Variants in ARL5B observed in about 807,000 individuals in gnomAD.
ARL5B encodes ARF like GTPase 5B, also known as ADP-ribosylation factor-like protein 5B.
ARL5B carries 10 observed loss-of-function variants against 26.9 expected under a neutral mutation model. The ratio of observed to expected loss-of-function variants is 0.37; its 90% confidence interval spans 0.23 to 0.63. The LOEUF (loss-of-function observed/expected upper bound fraction) is 0.63, where lower values mean the gene tolerates loss of function less well. Ranked by LOEUF, ARL5B falls within the 30% of genes least tolerant of loss-of-function variation. The probability of loss-of-function intolerance (pLI) is 0.62; values close to 1 mark genes in which losing one functional copy is unlikely to be tolerated. For synonymous variants in ARL5B, 87 were observed against 70.4 expected, an observed-to-expected ratio of 1.24 and a Z score of -1.18; for missense variants, 167 against 213.9, an observed-to-expected ratio of 0.78 and a Z score of 1.37.
intron 1 of ARL5B, among the ~76,000 whole-genome samples, chr10:18,662,899 C>T (rs1470018203): frequency 1.3e-5 from 2 of 151,976 alleles, no homozygotes; most frequent in Non-Finnish European, 2.9e-5. Flanking sequence ...GGTGGGGTTT[C>T]ACCATGTTGG....
At chr10:18,663,665 C>T (rs897483209) in intron 1 of ARL5B, among the ~76,000 whole-genome samples, 1 of 150,824 alleles carries the variant, frequency 6.6e-6, no homozygotes, top group African/African-American at 2.4e-5. Flanking sequence ...TCTCCTGCCT[C>T]AGCCTCCCAA....
At position 18,659,874 on chromosome 10, in the gene ARL5B, T is replaced by C. The variant is rs2059820316; in HGVS notation, c.46+191T>C. 4.1e-6 allele frequency: 4 copies of C among 984,816 alleles called. No individual in the cohort carries two copies. The South Asian group carries it at 1.4e-4, about 35-fold the overall frequency. The allele number at this position is 984,816 out of a possible 1,614,324, so 61.0% of individuals were successfully genotyped here. ...GGAGAGACCTGACGTGTGGGAGAAA[T>C]AGGGAGGCAGAAGAGAAGGTATTTG... On this transcript the variant is annotated intron_variant, in intron 1 of 5. Coordinates refer to ENST00000377275, the MANE Select transcript of ARL5B (RefSeq NM_178815.5).
intron 1 of ARL5B, among the ~76,000 whole-genome samples, chr10:18,661,041 G>A (rs920083780): frequency 2.0e-5 from 3 of 152,046 alleles, no homozygotes; most frequent in Admixed American, 6.6e-5. Context: ...TAGAGACAGG[G>A]TTTCGCCATG....
At chr10:18,675,118 G>C (rs764122782) in intron 5 of ARL5B, 50 bp from the exon 6 acceptor site, 1 of 1,561,244 alleles carries the variant, frequency 6.4e-7, no homozygotes, top group South Asian at 1.1e-5. Flanking sequence ...TACGCTTTCA[G>C]TTTTTAAGTA....
chr10:18,678,433 A>G lies in ARL5B; in HGVS notation c.*3217A>G, dbSNP rs1178096947. 2 of 151,934 alleles carry G rather than the reference A, an allele frequency of 1.3e-5. No individual in the cohort carries two copies. The highest frequency in any genetic ancestry group is 4.8e-5 in the African/African-American group (2 of 41,442). The allele number at this position is 151,934 out of a possible 1,614,324, so 9.4% of individuals were successfully genotyped here. A position where few individuals can be genotyped will look rare whatever the true frequency, so the allele number is the denominator to read the frequency against. On this transcript the variant is annotated 3_prime_UTR_variant, in exon 6 of 6. Coordinates refer to ENST00000377275, the MANE Select transcript of ARL5B (RefSeq NM_178815.5). Reference sequence around the variant, plus strand: ...AACAGTGATAGGCAGTGCTGTAAACAATATTCTCTGAAAAGTTGTGGGGGT... The same window carrying G: ...AACAGTGATAGGCAGTGCTGTAAACGATATTCTCTGAAAAGTTGTGGGGGT...
rs754725063 is a variant in ARL5B, at chr10:18,659,591, G to C, written c.-47G>C. ...GCGCCGCGGTGGGGGACCCGGCGCA[G>C]CGGCACCTGCTGCCGAGGGACCCCG... On this transcript the variant is annotated 5_prime_UTR_variant, in exon 1 of 6. Coordinates refer to ENST00000377275, the MANE Select transcript of ARL5B (RefSeq NM_178815.5). 15 of 1,584,308 alleles carry C rather than the reference G, an allele frequency of 9.5e-6. No individual in the cohort carries two copies. In the East Asian group the frequency reaches 3.3e-4, roughly 34 times the overall value.
intron 1 of ARL5B, among the ~76,000 whole-genome samples, chr10:18,662,766 C>G (rs191095832): frequency 1.4e-4 from 20 of 142,544 alleles, no homozygotes; most frequent in African/African-American, 5.2e-4. Context: ...TGCAGTGGTG[C>G]GATCTCGGTC....
chr10:18,671,976 G>A (rs1274952240), intron 3 of ARL5B, among the ~76,000 whole-genome samples: 3 of 152,030 alleles, frequency 2.0e-5, no homozygotes, highest in Non-Finnish European at 2.9e-5. Flanking sequence ...TTTTTAATAT[G>A]CAAACTCCCT....
chr10:18,672,214 A>C (rs147346812), intron 3 of ARL5B, among the ~76,000 whole-genome samples: 1 of 152,352 alleles, frequency 6.6e-6, no homozygotes, highest in Admixed American at 6.5e-5. Flanking sequence ...TGGTATACAC[A>C]AGTAAGCAAT....
rs1430926512 is a variant in ARL5B at position 18,668,681 on chromosome 10, T to C, written c.255+4T>C. Reference sequence around the variant, plus strand: ...CACATATTACTCAAATACAGAGGTATGCTAAGATGAATTTTGAATTTTAAT... The same window carrying C: ...CACATATTACTCAAATACAGAGGTACGCTAAGATGAATTTTGAATTTTAAT... On this transcript the variant is annotated splice_donor_region_variant and intron_variant, in intron 3 of 5. Transcript: ENST00000377275. The C allele has an allele frequency of 6.2e-7, 1 of 1,612,176 alleles. No homozygotes were observed. The highest frequency in any genetic ancestry group is 1.7e-5 in the Admixed American group (1 of 59,694).
At position 18,681,216 on chromosome 10, in the gene ARL5B, A is replaced by C. The variant is rs1381766184; in HGVS notation, c.*6000A>C. ...CAAACTGTGTGTCTGAACCCCAGCCAAACAAATGTGTTCCATTGGTCCAAT... is the reference window on the plus strand; with the variant it reads ...CAAACTGTGTGTCTGAACCCCAGCCCAACAAATGTGTTCCATTGGTCCAAT... On this transcript the variant is annotated 3_prime_UTR_variant, in exon 6 of 6. Transcript: ENST00000377275. 5 of 152,174 alleles carry C rather than the reference A, an allele frequency of 3.3e-5. No homozygotes were observed. The highest frequency in any genetic ancestry group is 7.4e-5 in the Non-Finnish European group (5 of 68,018). The allele number at this position is 152,174 out of a possible 1,614,324, so 9.4% of individuals were successfully genotyped here.
intron 1 of ARL5B, among the ~76,000 whole-genome samples, chr10:18,662,610 A>T (rs2059841982): frequency 6.6e-6 from 1 of 151,874 alleles, no homozygotes; most frequent in South Asian, 2.1e-4. Flanking sequence ...ATTGTTTTTT[A>T]AATTTCTTTT....
intron 1 of ARL5B, among the ~76,000 whole-genome samples, chr10:18,660,819 G>A (rs1436848938): frequency 1.3e-5 from 2 of 151,978 alleles, no homozygotes; most frequent in African/African-American, 4.8e-5. Flanking sequence ...ACACTTTGTG[G>A]GTATTATCCA....
chr10:18,670,694 C>G (rs1465363183), intron 3 of ARL5B, among the ~76,000 whole-genome samples: 3 of 152,160 alleles, frequency 2.0e-5, no homozygotes, highest in African/African-American at 7.2e-5. Flanking sequence ...TAGTTTTAAG[C>G]TCACAGTTAA....
chr10:18,659,824 G>A lies in ARL5B; in HGVS notation c.46+141G>A, dbSNP rs1484727171. ...AGGCCAGGGGGCGGGCAGAAACTCA[G>A]TGTTTTAGACCTGGAGGACGTACAG... On this transcript the variant is annotated intron_variant, in intron 1 of 5. Coordinates refer to ENST00000377275, the MANE Select transcript of ARL5B (RefSeq NM_178815.5). The A allele has an allele frequency of 5.3e-6, 8 of 1,501,538 alleles. No individual in the cohort carries two copies. The Middle Eastern group carries it at 5.5e-4, about 103-fold the overall frequency. 93.0% of individuals were successfully genotyped at this position (1,501,538 alleles called of 1,614,324 possible). A position where few individuals can be genotyped will look rare whatever the true frequency, so the allele number is the denominator to read the frequency against.
chr10:18,675,069 T>C, intron 5 of ARL5B, 99 bp from the exon 6 acceptor site: 1 of 1,016,072 alleles, frequency 9.8e-7, no homozygotes, highest in Non-Finnish European at 1.5e-6. Flanking sequence ...AAATAATGAT[T>C]GTGCTACCAG....
At chr10:18,662,849 G>T (rs1194474915) in intron 1 of ARL5B, among the ~76,000 whole-genome samples, 1 of 149,748 alleles carries the variant, frequency 6.7e-6, no homozygotes, top group Non-Finnish European at 1.5e-5. Context: ...GATTACAGGC[G>T]CACACCACCA....
intron 1 of ARL5B, among the ~76,000 whole-genome samples, chr10:18,660,695 C>T (rs951016050): frequency 6.6e-6 from 1 of 152,012 alleles, no homozygotes; most frequent in African/African-American, 2.4e-5. Context: ...CAGTCTTTTT[C>T]AAGGTTATAA....
rs540246453 is a variant in ARL5B at position 18,673,211 on chromosome 10, G to A, written c.339+506G>A. ...CGAGTAGCTGGGATTACAGGAACCC[G>A]CCACCACGCCTGGTTAATTTTTGTA... On this transcript the variant is annotated intron_variant, in intron 4 of 5. Coordinates refer to ENST00000377275, the MANE Select transcript of ARL5B (RefSeq NM_178815.5). Among the ~76,000 whole-genome samples the A allele has an allele frequency of 1.4e-4, 22 of 152,026 alleles. No homozygotes were observed. The South Asian group carries it at 3.1e-3, about 22-fold the overall frequency.
Sources: gnomAD v4.1 joint callset for allele counts (sites outside exome capture counted in the v4.1 genomes callset) on GRCh38, gnomAD v4.1.1 for gene constraint, MANE v1.5 for transcripts, NCBI Gene and HGNC (gene_info 2026-07-23, HGNC 2026-07-21) for gene names.